LUZP2: variants seen among roughly 807,000 people sequenced by gnomAD.
LUZP2 encodes the protein leucine zipper protein 2.
Under a neutral mutation model 51.6 loss-of-function variants are expected in LUZP2, and 52 were observed. The ratio of observed to expected loss-of-function variants is 1.01; its 90% confidence interval spans 0.81 to 1.27. LUZP2 has a LOEUF of 1.27. Among genes scored for constraint, LUZP2 ranks in the 50% most tolerant of loss-of-function variants. The pLI is 0.00. For synonymous variants in LUZP2, 154 were observed against 137.3 expected, an observed-to-expected ratio of 1.12 and a Z score of -0.85; for missense variants, 436 against 395.4, an observed-to-expected ratio of 1.10 and a Z score of -0.87.
intron 1 of LUZP2, among the ~76,000 whole-genome samples, chr11:24,629,053 A>C (rs1189398449): frequency 6.6e-6 from 1 of 152,102 alleles, no homozygotes; most frequent in African/African-American, 2.4e-5. Flanking sequence ...TTCTATGATA[A>C]ATTTATCTTA....
intron 1 of LUZP2, among the ~76,000 whole-genome samples, chr11:24,523,529 A>G (rs924493597): frequency 1.3e-5 from 2 of 150,512 alleles, no homozygotes; most frequent in African/African-American, 4.9e-5. Flanking sequence ...GATTTTCTTA[A>G]TTCACAAATA....
At chr11:24,757,657 A>T (rs1401472832) in intron 4 of LUZP2, among the ~76,000 whole-genome samples, 1 of 152,004 alleles carries the variant, frequency 6.6e-6, no homozygotes, top group African/African-American at 2.4e-5. Flanking sequence ...CTAAATCCTT[A>T]GTTCTTTGAA....
At chr11:24,548,505 A>T (rs1851627428) in intron 1 of LUZP2, among the ~76,000 whole-genome samples, 1 of 152,078 alleles carries the variant, frequency 6.6e-6, no homozygotes, top group South Asian at 2.1e-4. Context: ...AACATTGAGT[A>T]CACAGGAGCA....
chr11:24,968,989 A>T (rs1041881012), intron 7 of LUZP2, among the ~76,000 whole-genome samples: 3 of 152,210 alleles, frequency 2.0e-5, no homozygotes, highest in Non-Finnish European at 2.9e-5. Context: ...CTAGAAGCAG[A>T]TAATTTGAAT....
intron 1 of LUZP2, among the ~76,000 whole-genome samples, chr11:24,566,587 T>A (rs1445840498): frequency 7.4e-6 from 1 of 135,650 alleles, no homozygotes; most frequent in Non-Finnish European, 1.5e-5. Context: ...CATATATATG[T>A]ATGTGTGTAT....
chr11:25,078,550 A>G lies in LUZP2; in HGVS notation c.937-4A>G. On this transcript the variant is annotated splice_polypyrimidine_tract_variant and splice_region_variant and intron_variant, in intron 11 of 11. Transcript: ENST00000336930. ...CGAATTGTCTTTTCTGTATTGTTTA[A>G]CAGAAATTGCAAATGCCTCCTTGCT... 1 of 1,608,304 alleles carries G rather than the reference A, an allele frequency of 6.2e-7. No homozygotes were observed. The highest frequency in any genetic ancestry group is 8.5e-7 in the Non-Finnish European group (1 of 1,177,374).
chr11:24,753,692 T>C (rs892619132), intron 4 of LUZP2, among the ~76,000 whole-genome samples: 3 of 152,214 alleles, frequency 2.0e-5, no homozygotes, highest in Non-Finnish European at 4.4e-5. Context: ...TTTACATTTT[T>C]AAGTTCTTGT....
rs1282764975 is a variant in LUZP2 at position 24,919,539 on chromosome 11, A to G, written c.522+5001A>G. Among the ~76,000 whole-genome samples the G allele has an allele frequency of 4.2e-5, 6 of 141,828 alleles. 1 individual carries two copies. The East Asian group carries it at 1.1e-3, about 25-fold the overall frequency. 93.0% of individuals were successfully genotyped at this position (141,828 alleles called of 152,430 possible). A position where few individuals can be genotyped will look rare whatever the true frequency, so the allele number is the denominator to read the frequency against. On this transcript the variant is annotated intron_variant, in intron 7 of 11. Coordinates refer to ENST00000336930, the MANE Select transcript of LUZP2 (RefSeq NM_001009909.4). ...TATATATTCTTTATATATATACTGT[A>G]TATGTATTCTTTATATATATTCATA...
At chr11:24,774,332 T>TTCTC (rs374302170) in intron 5 of LUZP2, among the ~76,000 whole-genome samples, 1,397 of 41,846 alleles carry the variant, frequency 0.033, 39 homozygotes, top group South Asian at 0.044. Context: ...CTTAGTAAAC[T>TTCTC]TCTCTCTCTC....
At chr11:24,598,278 A>G (rs1417523546) in intron 1 of LUZP2, among the ~76,000 whole-genome samples, 1 of 152,064 alleles carries the variant, frequency 6.6e-6, no homozygotes, top group East Asian at 1.9e-4. Context: ...CATAAATAAG[A>G]CTCATTAGTA....
chr11:24,669,416 A>G (rs1158834514), intron 1 of LUZP2, among the ~76,000 whole-genome samples: 1 of 152,108 alleles, frequency 6.6e-6, no homozygotes, highest in African/African-American at 2.4e-5. Flanking sequence ...ATGCTTTCCT[A>G]ATTGGTATTA....
Position 24,880,757 on chromosome 11 carries a change from T to C in LUZP2, c.397-25234T>C, listed in dbSNP as rs910097816. Among the ~76,000 whole-genome samples the C allele has an allele frequency of 7.9e-5, 12 of 152,086 alleles. No individual in the cohort carries two copies. In the South Asian group the frequency reaches 1.7e-3, roughly 21 times the overall value. Reference sequence around the variant, plus strand: ...TGAAGAATGTGTGTGTGTGTGTGTATGTGTATGTGTGTGTGTATGTGTGTG... The same window carrying C: ...TGAAGAATGTGTGTGTGTGTGTGTACGTGTATGTGTGTGTGTATGTGTGTG... On this transcript the variant is annotated intron_variant, in intron 5 of 11. Coordinates refer to ENST00000336930, the MANE Select transcript of LUZP2 (RefSeq NM_001009909.4).
intron 1 of LUZP2, among the ~76,000 whole-genome samples, chr11:24,589,905 G>A (rs1853199822): frequency 6.9e-6 from 1 of 145,418 alleles, no homozygotes; most frequent in Non-Finnish European, 1.5e-5. Flanking sequence ...AGTGACAGCA[G>A]CTATGTTCAC....
At chr11:25,000,552 A>T (rs1856655534) in intron 9 of LUZP2, among the ~76,000 whole-genome samples, 1 of 152,192 alleles carries the variant, frequency 6.6e-6, no homozygotes, top group Admixed American at 6.5e-5. Context: ...TTTGACAAGC[A>T]GTTTAAAAAT....
intron 5 of LUZP2, among the ~76,000 whole-genome samples, chr11:24,818,820 C>T (rs1850267653): frequency 6.6e-6 from 1 of 151,900 alleles, no homozygotes; most frequent in Non-Finnish European, 1.5e-5. Flanking sequence ...TTTTTAACTC[C>T]TAATCATACA....
intron 1 of LUZP2, among the ~76,000 whole-genome samples, chr11:24,544,901 C>A (rs1189296016): frequency 1.3e-5 from 2 of 152,128 alleles, no homozygotes; most frequent in Non-Finnish European, 2.9e-5. Flanking sequence ...TGTACTCCCA[C>A]TAACAGTGTA....
intron 1 of LUZP2, among the ~76,000 whole-genome samples, chr11:24,656,130 A>G (rs1288008750): frequency 6.6e-6 from 1 of 152,192 alleles, no homozygotes; most frequent in Non-Finnish European, 1.5e-5. Context: ...AGAAATAGGT[A>G]ACTCAAAATG....
chr11:24,497,717 C>T (rs1027949616), intron 1 of LUZP2, among the ~76,000 whole-genome samples: 2 of 152,164 alleles, frequency 1.3e-5, no homozygotes, highest in Admixed American at 1.3e-4. Flanking sequence ...TCCCTTCCCC[C>T]AAGTGTGCCT....
intron 1 of LUZP2, among the ~76,000 whole-genome samples, chr11:24,667,486 A>G (rs1310647299): frequency 6.6e-6 from 1 of 152,056 alleles, no homozygotes; most frequent in Non-Finnish European, 1.5e-5. Flanking sequence ...CGTCCACCAC[A>G]TGTTCTTAAA....
Sources: gnomAD v4.1 joint callset for allele counts (sites outside exome capture counted in the v4.1 genomes callset) on GRCh38, gnomAD v4.1.1 for gene constraint, MANE v1.5 for transcripts, NCBI Gene and HGNC (gene_info 2026-07-23, HGNC 2026-07-21) for gene names.